Variants in COG6 observed in about 807,000 individuals in gnomAD.
The protein encoded by COG6 is component of oligomeric golgi complex 6.
A neutral mutation model predicts 88.8 loss-of-function variants in COG6; 74 were observed. That is an observed-to-expected ratio of 0.83 (90% CI 0.69 to 1.01). The LOEUF (loss-of-function observed/expected upper bound fraction) is 1.01. COG6 is among the 50% of genes least tolerant of loss of function. COG6 has a pLI of 0.00. For synonymous variants in COG6, 286 were observed against 278.7 expected (o/e 1.03, Z -0.26); for missense variants, 800 against 797.9 (o/e 1.00, Z -0.03).
chr13:39,723,369 G>A lies in COG6; in HGVS notation c.1621G>A (p.Ala541Thr). 3.1e-6 allele frequency: 5 copies of A among 1,611,304 alleles called. No homozygotes were observed. In the South Asian group the frequency reaches 3.3e-5, roughly 11 times the overall value. ...TTTGGACACACTTATAAATGAGCAA[G>A]CCTCTTATGTTTTAACTAGGGTAGG... ...AHLDTLINEQ[A>T]SYVLTRVGLS... The change falls in exon 16 of 19, where the codon GCC becomes ACC. Residue 541 changes from alanine (A) to threonine (T), a missense_variant. Physicochemically the swap from Ala to Thr is moderately conservative, Grantham distance 58. Transcript: ENST00000455146.
intron 18 of COG6, among the ~76,000 whole-genome samples, chr13:39,768,622 G>A (rs1464711840): frequency 6.6e-6 from 1 of 152,158 alleles, no homozygotes; most frequent in African/African-American, 2.4e-5. Flanking sequence ...GTCAGAAGCA[G>A]AGACTCCTAA....
Position 39,710,831 on chromosome 13 carries a change from A to G in COG6, c.1285-8405A>G, listed in dbSNP as rs530306567. On this transcript the variant is annotated intron_variant, in intron 13 of 18. Coordinates refer to ENST00000455146, the MANE Select transcript of COG6 (RefSeq NM_020751.3). ...TTTTAAATAGGGCAGTGAAGACATT[A>G]GCTGGTTCTTTTCTTTTTTTTTTTG... Among the ~76,000 whole-genome samples, 5 of 73,782 alleles carry G rather than the reference A, an allele frequency of 6.8e-5. No individual in the cohort carries two copies. In the South Asian group the frequency reaches 1.9e-3, roughly 28 times the overall value. The allele number at this position is 73,782 out of a possible 152,430, so 48.4% of individuals were successfully genotyped here. A position where few individuals can be genotyped will look rare whatever the true frequency, so the allele number is the denominator to read the frequency against.
At chr13:39,724,954 A>T (rs1593453742) in intron 17 of COG6, among the ~76,000 whole-genome samples, 1 of 151,720 alleles carries the variant, frequency 6.6e-6, no homozygotes, top group South Asian at 2.1e-4. Flanking sequence ...ATTAGATTCC[A>T]CTCTTAAAAC....
intron 18 of COG6, among the ~76,000 whole-genome samples, chr13:39,744,458 T>G (rs748863353): frequency 1.3e-5 from 2 of 151,926 alleles, no homozygotes; most frequent in Admixed American, 6.6e-5. Context: ...TATACACCAA[T>G]AACAGACAAA....
chr13:39,679,408 G>T, intron 5 of COG6, 130 bp from the exon 6 acceptor site: 1 of 681,556 alleles, frequency 1.5e-6, no homozygotes, highest in Non-Finnish European at 2.7e-6. Flanking sequence ...AGAGAAAGTT[G>T]AGATCAGTAT....
intron 13 of COG6, among the ~76,000 whole-genome samples, chr13:39,700,856 A>G (rs914467960): frequency 6.6e-6 from 1 of 151,888 alleles, no homozygotes; most frequent in African/African-American, 2.4e-5. Flanking sequence ...TTCCATAGAG[A>G]GATGTAATGG....
chr13:39,687,387 C>T (rs1019676653), intron 8 of COG6, 116 bp from the exon 9 acceptor site: 2 of 917,538 alleles, frequency 2.2e-6, no homozygotes, highest in African/African-American at 3.3e-5. Flanking sequence ...GACCGAATAT[C>T]TAAAGGAGCT....
rs1479665979 is a variant in COG6 at position 39,686,439 on chromosome 13, A to C, written c.789-1064A>C. 2.0e-5 allele frequency among the ~76,000 whole-genome samples: 3 copies of C among 152,312 alleles called. No homozygotes were observed. The East Asian group carries it at 5.8e-4, about 29-fold the overall frequency. ...TGAATCCCAAATTGTCCTATTCCCC[A>C]GTTAAAAGCTTTCCTTCCCTACCAG... On this transcript the variant is annotated intron_variant, in intron 8 of 18. Transcript: ENST00000455146.
intron 8 of COG6, among the ~76,000 whole-genome samples, chr13:39,686,963 C>T (rs1460855340): frequency 1.3e-5 from 2 of 152,004 alleles, no homozygotes; most frequent in South Asian, 2.1e-4. Flanking sequence ...CTCCTGGGCT[C>T]CAGTGACCAC....
intron 8 of COG6, among the ~76,000 whole-genome samples, chr13:39,686,835 T>A (rs1876672446): frequency 6.6e-6 from 1 of 151,702 alleles, no homozygotes; most frequent in African/African-American, 2.4e-5. Flanking sequence ...GCTCAAGTGA[T>A]CCCCCTACCT....
At chr13:39,695,146 G>A (rs7490747) in intron 12 of COG6, among the ~76,000 whole-genome samples, 151,229 of 151,782 alleles carry the variant, frequency 1, 75,342 homozygotes, top group Non-Finnish European at 1. Context: ...AACCTACCAT[G>A]TACTCACAAT....
chr13:39,723,285 A>G (rs772663597), intron 15 of COG6, 48 bp from the exon 16 acceptor site: 22 of 1,179,022 alleles, frequency 1.9e-5, no homozygotes, highest in Non-Finnish European at 2.8e-5. Flanking sequence ...ATCTACTCTC[A>G]TCAGTGTCAT....
chr13:39,692,968 A>T (rs1438320799), intron 11 of COG6, among the ~76,000 whole-genome samples: 2 of 148,904 alleles, frequency 1.3e-5, no homozygotes, highest in African/African-American at 5.0e-5. Context: ...TGCTACCACC[A>T]CTCCTTTAAG....
At chr13:39,661,108 A>G (rs907321990) in intron 3 of COG6, among the ~76,000 whole-genome samples, 3 of 152,216 alleles carry the variant, frequency 2.0e-5, no homozygotes, top group African/African-American at 7.2e-5. Context: ...TAGCCAGTAC[A>G]GAGCTAACTA....
chr13:39,674,026 ATAT>A lies in COG6; in HGVS notation c.429-3438_429-3436del, dbSNP rs560805297. ...AAAACTTTGCCAATGTAGATGAAAA[ATAT>A]TATCACACCATTTTATTTTTTATTT... On this transcript the variant is annotated intron_variant, in intron 4 of 18. Transcript: ENST00000455146. Among the ~76,000 whole-genome samples the A allele has an allele frequency of 6.4e-4, 98 of 152,106 alleles. No homozygotes were observed. The South Asian group carries it at 0.01, about 16-fold the overall frequency.
chr13:39,728,085 A>C lies in COG6; in HGVS notation c.1826+537A>C, dbSNP rs747408014. On this transcript the variant is annotated intron_variant, in intron 18 of 18. Transcript: ENST00000455146. Reference sequence around the variant, plus strand: ...TCTTGATTTTAAGAAAAATATTGGCAAAATTGTCTATAGGTAAGAAATTAG... The same window carrying C: ...TCTTGATTTTAAGAAAAATATTGGCCAAATTGTCTATAGGTAAGAAATTAG... 5.3e-4 allele frequency among the ~76,000 whole-genome samples: 80 copies of C among 152,260 alleles called. 1 individual carries two copies. The highest frequency in any genetic ancestry group is 7.1e-4 in the Non-Finnish European group (48 of 67,986).
intron 18 of COG6, among the ~76,000 whole-genome samples, 199 bp downstream of exon 18, chr13:39,727,747 C>G (rs1208454498): frequency 6.6e-6 from 1 of 152,100 alleles, no homozygotes; most frequent in African/African-American, 2.4e-5. Flanking sequence ...CTATATGTCA[C>G]TCCAAAATCT....
intron 7 of COG6, 126 bp downstream of exon 7, chr13:39,680,171 T>C: frequency 1.6e-6 from 1 of 626,476 alleles, no homozygotes; most frequent in Non-Finnish European, 2.8e-6. Context: ...ATAAAAATAG[T>C]ATTTGTATTT....
chr13:39,752,454 T>C lies in COG6; in HGVS notation c.*1361T>C. 9.3e-7 allele frequency: 1 copy of C among 1,071,044 alleles called. No homozygotes were observed. The highest frequency in any genetic ancestry group is 1.2e-6 in the Non-Finnish European group (1 of 813,048). 66.3% of individuals were successfully genotyped at this position (1,071,044 alleles called of 1,614,324 possible). On this transcript the variant is annotated 3_prime_UTR_variant, in exon 19 of 19. Transcript: ENST00000455146. ...TTTTTAGTTTTTTCCCTTTGATTAG[T>C]ATGTGTTACATATAAAGACAGAAAA...
Sources: allele counts gnomAD v4.1 joint callset (sites outside exome capture counted in the v4.1 genomes callset), GRCh38; gene constraint gnomAD v4.1.1; transcripts MANE v1.5; gene names NCBI Gene and HGNC (gene_info 2026-07-23, HGNC 2026-07-21).